The following NUP210 variants were observed in gnomAD, a reference collection of about 807,000 sequenced individuals.
The protein encoded by NUP210 is nuclear pore membrane glycoprotein 210.
A neutral mutation model predicts 196.0 loss-of-function variants in NUP210; 151 were observed. The ratio of observed to expected loss-of-function variants is 0.77; its 90% CI spans 0.67 to 0.88. The LOEUF (loss-of-function observed/expected upper bound fraction) is 0.88, where lower values mean the gene tolerates loss of function less well. Ranked by LOEUF, NUP210 falls within the 40% of genes least tolerant of loss-of-function variation. The pLI is 0.00. For synonymous variants in NUP210, 1,070 were observed against 1,052.7 expected, an observed-to-expected ratio of 1.02 and a Z score of -0.32; for missense variants, 2,314 against 2,493.7, an observed-to-expected ratio of 0.93 and a Z score of 1.53.
chr3:13,411,714 C>T (rs1428993363), intron 1 of NUP210, among the ~76,000 whole-genome samples: 1 of 152,180 alleles, frequency 6.6e-6, no homozygotes, highest in Non-Finnish European at 1.5e-5. Flanking sequence ...AGCCCAGTCA[C>T]ATACAGGTAT....
intron 13 of NUP210, among the ~76,000 whole-genome samples, chr3:13,369,699 C>G (rs924065164): frequency 6.6e-6 from 1 of 152,194 alleles, no homozygotes; most frequent in Non-Finnish European, 1.5e-5. Flanking sequence ...AGTCTTGGCA[C>G]CCTTACCAAA....
At chr3:13,343,332 T>TGGGGG in intron 20 of NUP210, 29 bp from the exon 21 acceptor site, 8 of 214,644 alleles carry the variant, frequency 3.7e-5, no homozygotes, top group Non-Finnish European at 7.2e-5. Flanking sequence ...GGTGGAGGGG[T>TGGGGG]GGGTGGTGGG....
rs1400606133 is a variant in NUP210 at position 13,340,165 on chromosome 3, A to AGG, written c.3291+69_3291+70dup. 1 of 1,605,814 alleles carries AGG rather than the reference A, an allele frequency of 6.2e-7. No individual in the cohort carries two copies. The highest frequency in any genetic ancestry group is 2.2e-5 in the East Asian group (1 of 44,772). The stretch of plus-strand genomic sequence containing the variant: ...TCCCAGTCACTGCACGCAGGGCCAG[A>AGG]GGCGGCGTGCCTGGAACCAGGTGGT... On this transcript the variant is annotated intron_variant, in intron 24 of 39. Coordinates refer to ENST00000254508, the MANE Select transcript of NUP210 (RefSeq NM_024923.4). The surrounding 1 kb of genome is among the most constrained non-coding windows in gnomAD (Gnocchi z 4.0).
At chr3:13,384,384 G>A (rs538947096) in intron 6 of NUP210, among the ~76,000 whole-genome samples, 24 of 152,282 alleles carry the variant, frequency 1.6e-4, no homozygotes, top group African/African-American at 1.4e-4. Flanking sequence ...TGAGCTTCAG[G>A]TCTTCTATGC....
chr3:13,321,434 GAA>G (rs1696523639), intron 36 of NUP210, 149 bp downstream of exon 36: 4 of 815,810 alleles, frequency 4.9e-6, no homozygotes, highest in African/African-American at 1.7e-5. Flanking sequence ...TATGGAAAAA[GAA>G]AAGAGTACTT....
At chr3:13,387,344 G>A (rs567698927) in intron 5 of NUP210, among the ~76,000 whole-genome samples, 1 of 152,334 alleles carries the variant, frequency 6.6e-6, no homozygotes, top group Admixed American at 6.5e-5. Flanking sequence ...AGGCAGGGAG[G>A]GCCACTGAAT....
intron 18 of NUP210, 64 bp downstream of exon 18, chr3:13,353,490 A>T: frequency 1.5e-6 from 2 of 1,316,982 alleles, no homozygotes; most frequent in Non-Finnish European, 2.2e-6. Context: ...GGTGGAATTT[A>T]AGCAGAAGTA....
intron 27 of NUP210, among the ~76,000 whole-genome samples, 192 bp from the exon 28 acceptor site, chr3:13,335,804 A>G (rs1294432964): frequency 6.6e-6 from 1 of 152,228 alleles, no homozygotes; most frequent in African/African-American, 2.4e-5. Flanking sequence ...CGGCTTCCCC[A>G]GCATGGGTGC....
intron 1 of NUP210, among the ~76,000 whole-genome samples, chr3:13,417,434 C>T (rs1700383139): frequency 6.6e-6 from 1 of 152,152 alleles, no homozygotes; most frequent in South Asian, 2.1e-4. Context: ...GCAAATGTTC[C>T]CACAGGGTCT....
At chr3:13,399,394 T>C (rs1383628756) in intron 2 of NUP210, among the ~76,000 whole-genome samples, 1 of 151,992 alleles carries the variant, frequency 6.6e-6, no homozygotes, top group Non-Finnish European at 1.5e-5. Context: ...TATAATAAAT[T>C]AGATATGGGG....
chr3:13,416,694 G>T (rs1314898068), intron 1 of NUP210, among the ~76,000 whole-genome samples: 1 of 152,210 alleles, frequency 6.6e-6, no homozygotes, highest in African/African-American at 2.4e-5. Flanking sequence ...CAATGAGGAG[G>T]CAACTTCAAC....
intron 19 of NUP210, 47 bp downstream of exon 19, chr3:13,352,033 T>TC (rs756355194): frequency 1.6e-4 from 258 of 1,600,790 alleles, no homozygotes; most frequent in Non-Finnish European, 2.0e-4. Context: ...GGGCGAGGAG[T>TC]CCCCCCGTGG....
At chr3:13,371,598 TA>T (rs1347930115) in intron 13 of NUP210, among the ~76,000 whole-genome samples, 3 of 152,190 alleles carry the variant, frequency 2.0e-5, no homozygotes, top group Non-Finnish European at 4.4e-5. Context: ...ACACACAGCT[TA>T]GAGATGTGAA....
At chr3:13,401,259 C>CAAAAAAAAAAAAAAAAAAAAAAA (rs71066952) in intron 1 of NUP210, among the ~76,000 whole-genome samples, 7 of 43,830 alleles carry the variant, frequency 1.6e-4, no homozygotes, top group Non-Finnish European at 2.0e-4. Flanking sequence ...GACTCTGGCT[C>CAAAAAAAAAAAAAAAAAAAAAAA]AAAAAAAAAA....
At chr3:13,320,981 C>T (rs1376056989) in intron 36 of NUP210, among the ~76,000 whole-genome samples, 4 of 152,236 alleles carry the variant, frequency 2.6e-5, no homozygotes, top group South Asian at 2.1e-4. Flanking sequence ...ACGCCGCCAG[C>T]GGGCTGGCCC....
chr3:13,323,320 G>C lies in NUP210; in HGVS notation c.4757C>G (p.Ser1586Cys), dbSNP rs375457849. ...KVIVAVGDRS[S>C]NLRGECTPTQ... ...CCCTCATTAAGTACCTCTCAGGTTA[G>C]AGCTTCTGTCTCCCACGGCAACAAT... The change falls in exon 34 of 40, where the codon TCT becomes TGT. Residue 1586 changes from serine to cysteine, a missense_variant. Coordinates refer to ENST00000254508, the MANE Select transcript of NUP210 (RefSeq NM_024923.4). The surrounding 1 kb of genome is among the most constrained non-coding windows in gnomAD (Gnocchi z 4.3). 5 of 1,614,036 alleles carry C rather than the reference G, an allele frequency of 3.1e-6. No individual in the cohort carries two copies. Among genetic ancestry groups the C allele is most frequent in the Non-Finnish European group, 3.4e-6 (4 of 1,180,026 alleles).
intron 12 of NUP210, 93 bp downstream of exon 12, chr3:13,373,625 G>T: frequency 7.6e-7 from 1 of 1,315,760 alleles, no homozygotes; most frequent in Non-Finnish European, 1.1e-6. Flanking sequence ...AAGGTTGGGG[G>T]TGTTTCTGAG....
rs969524512 is a variant in NUP210, at chr3:13,348,148, G to A, written c.2835+3731C>T. 6.5e-6 allele frequency: 1 copy of A among 153,174 alleles called. No individual in the cohort carries two copies. The highest frequency in any genetic ancestry group is 1.5e-5 in the Non-Finnish European group (1 of 68,940). The allele number at this position is 153,174 out of a possible 1,614,324, so 9.5% of individuals were successfully genotyped here. Reference sequence around the variant, plus strand: ...GCCACCTGTAAAACAGAACTGCAGAGGCACTCCTAGAATTGCAGCATTTTA... The same window carrying A: ...GCCACCTGTAAAACAGAACTGCAGAAGCACTCCTAGAATTGCAGCATTTTA... On this transcript the variant is annotated intron_variant, in intron 20 of 39. Transcript: ENST00000254508. This position sits in a 1 kb window ranked among gnomAD's most constrained non-coding sequence, Gnocchi z 4.0.
chr3:13,339,124 A>C (rs1323640626), intron 25 of NUP210, among the ~76,000 whole-genome samples: 1 of 152,124 alleles, frequency 6.6e-6, no homozygotes, highest in Non-Finnish European at 1.5e-5. Context: ...ATTGACACAC[A>C]CTGGGAAAAG....
Sources: gnomAD v4.1 joint callset for allele counts (sites outside exome capture counted in the v4.1 genomes callset) on GRCh38, gnomAD v4.1.1 for gene constraint, Gnocchi (gnomAD v3.1) non-coding constraint, MANE v1.5 for transcripts, NCBI Gene and HGNC (gene_info 2026-07-23, HGNC 2026-07-21) for gene names.